CAMK1D: variants seen among roughly 807,000 people sequenced by gnomAD.
CAMK1D encodes calcium/calmodulin dependent protein kinase ID.
A neutral mutation model predicts 47.7 loss-of-function variants in CAMK1D; 9 were observed. That is an observed-to-expected ratio of 0.19 (90% confidence interval 0.11 to 0.33). CAMK1D has a LOEUF of 0.33. CAMK1D is among the 10% of genes least tolerant of loss of function. The pLI is 1.00. For missense variants in CAMK1D, 291 were observed against 488.7 expected (o/e 0.60, Z 3.81); for synonymous variants, 184 against 184.9 (o/e 0.99, Z 0.04).
intron 1 of CAMK1D, among the ~76,000 whole-genome samples, chr10:12,437,072 A>G (rs1157177486): frequency 6.6e-6 from 1 of 151,644 alleles, no homozygotes; most frequent in East Asian, 1.9e-4. Context: ...TGACGTGTGA[A>G]ATGGCATCTA....
intron 6 of CAMK1D, among the ~76,000 whole-genome samples, chr10:12,810,776 TAAG>T (rs1027134633): frequency 6.6e-6 from 1 of 152,190 alleles, no homozygotes; most frequent in Non-Finnish European, 1.5e-5. Flanking sequence ...GCAAAATAGT[TAAG>T]AACACAGGCC....
intron 1 of CAMK1D, among the ~76,000 whole-genome samples, chr10:12,467,038 C>T (rs1289847545): frequency 6.6e-6 from 1 of 152,162 alleles, no homozygotes; most frequent in Admixed American, 6.5e-5. Context: ...AATTTCACCT[C>T]TCTTGGCTGC....
chr10:12,428,725 G>A (rs953370683), intron 1 of CAMK1D, among the ~76,000 whole-genome samples: 4 of 152,118 alleles, frequency 2.6e-5, no homozygotes, highest in African/African-American at 9.7e-5. Context: ...GTGTCCCCAC[G>A]AAATTTCTCT....
intron 3 of CAMK1D, among the ~76,000 whole-genome samples, chr10:12,716,194 A>G (rs1002021829): frequency 6.6e-6 from 1 of 152,090 alleles, no homozygotes; most frequent in African/African-American, 2.4e-5. Flanking sequence ...CCCTTAGACC[A>G]GGGACTCTCA....
At chr10:12,553,148 C>A in intron 1 of CAMK1D, 77 bp from the exon 2 acceptor site, 1 of 1,598,794 alleles carries the variant, frequency 6.3e-7, no homozygotes, top group Non-Finnish European at 8.5e-7. Context: ...ACTCAAACTT[C>A]GGTGGTAGGG....
chr10:12,792,690 T>C (rs1838028281), intron 6 of CAMK1D, among the ~76,000 whole-genome samples: 1 of 152,230 alleles, frequency 6.6e-6, no homozygotes, highest in Admixed American at 6.5e-5. Context: ...TGGATTTAGG[T>C]AACAGTGCCT....
intron 1 of CAMK1D, among the ~76,000 whole-genome samples, chr10:12,531,961 C>T (rs1211799951): frequency 6.6e-6 from 1 of 152,182 alleles, no homozygotes; most frequent in Admixed American, 6.5e-5. Context: ...AGAGAATTCT[C>T]TCATAGTAAA....
At chr10:12,787,017 G>C (rs543265130) in intron 5 of CAMK1D, among the ~76,000 whole-genome samples, 1 of 152,322 alleles carries the variant, frequency 6.6e-6, no homozygotes, top group African/African-American at 2.4e-5. Context: ...CAGCTGCTGG[G>C]GAGACTGAGG....
chr10:12,360,349 T>C (rs890886713), intron 1 of CAMK1D, among the ~76,000 whole-genome samples: 1 of 152,076 alleles, frequency 6.6e-6, no homozygotes, highest in Non-Finnish European at 1.5e-5. Context: ...CAAAGTGTTG[T>C]GAAAAAGAAA....
chr10:12,592,735 C>T (rs2132366190), intron 2 of CAMK1D, among the ~76,000 whole-genome samples: 1 of 152,336 alleles, frequency 6.6e-6, no homozygotes, highest in Admixed American at 6.5e-5. Flanking sequence ...TCAATGCCAG[C>T]CTACTGCTAC....
Position 12,568,277 on chromosome 10 carries a change from C to G in CAMK1D, c.224+14921C>G, listed in dbSNP as rs866485791. Among the ~76,000 whole-genome samples, 54 of 38,684 alleles carry G rather than the reference C, an allele frequency of 1.4e-3. 1 individual carries two copies. The Middle Eastern group carries it at 0.047, about 33-fold the overall frequency. The allele number at this position is 38,684 out of a possible 152,430, so 25.4% of individuals were successfully genotyped here. A position where few individuals can be genotyped will look rare whatever the true frequency, so the allele number is the denominator to read the frequency against. On this transcript the variant is annotated intron_variant, in intron 2 of 10. Transcript: ENST00000619168. Reference sequence around the variant, plus strand: ...CCCTCCCCTACCCTTCTCCGTCCCCCCTTCCCGTCCCATCCCCCACCCCTC... The same window carrying G: ...CCCTCCCCTACCCTTCTCCGTCCCCGCTTCCCGTCCCATCCCCCACCCCTC...
At chr10:12,695,057 T>C (rs974619034) in intron 3 of CAMK1D, among the ~76,000 whole-genome samples, 1 of 128,118 alleles carries the variant, frequency 7.8e-6, no homozygotes, top group Non-Finnish European at 1.7e-5. Context: ...GATAGATAGA[T>C]AGATAGATAC....
intron 2 of CAMK1D, among the ~76,000 whole-genome samples, chr10:12,592,950 A>C (rs1382532900): frequency 5.3e-5 from 8 of 152,070 alleles, no homozygotes; most frequent in Admixed American, 1.3e-4. Context: ...ATACCTCTTA[A>C]ATGTCACTTT....
intron 3 of CAMK1D, among the ~76,000 whole-genome samples, chr10:12,682,665 T>C (rs973184674): frequency 2.6e-5 from 4 of 152,226 alleles, no homozygotes; most frequent in Non-Finnish European, 4.4e-5. Flanking sequence ...AACTTAGTAA[T>C]CATCAAATGC....
intron 1 of CAMK1D, among the ~76,000 whole-genome samples, chr10:12,369,015 C>T (rs189767330): frequency 1.3e-5 from 2 of 152,196 alleles, no homozygotes; most frequent in Admixed American, 1.3e-4. Context: ...TGGGTTTTCA[C>T]TATGTTGACC....
chr10:12,517,802 T>G (rs1835256048), intron 1 of CAMK1D, among the ~76,000 whole-genome samples: 1 of 152,188 alleles, frequency 6.6e-6, no homozygotes, highest in African/African-American at 2.4e-5. Context: ...TTTGTGTCTG[T>G]GCTCATGGAG....
At chr10:12,659,290 A>G (rs1840206390) in intron 2 of CAMK1D, among the ~76,000 whole-genome samples, 1 of 152,204 alleles carries the variant, frequency 6.6e-6, no homozygotes, top group South Asian at 2.1e-4. Flanking sequence ...AAGAAGTTTT[A>G]TCAGTTCTAT....
rs1385486838 is a variant in CAMK1D, at chr10:12,462,169, T to G, written c.93-91056T>G. On this transcript the variant is annotated intron_variant, in intron 1 of 10. Transcript: ENST00000619168. ...GGCCTATGAAGAGTTTTTTTTTTTT[T>G]TTTTTTTTTTTTTTAGGCAGAGTCT... Among the ~76,000 whole-genome samples the G allele has an allele frequency of 4.0e-4, 58 of 144,890 alleles. 1 individual carries two copies. The highest frequency in any genetic ancestry group is 1.5e-3 in the African/African-American group (57 of 37,188).
At chr10:12,351,889 C>G (rs11597650) in intron 1 of CAMK1D, among the ~76,000 whole-genome samples, 3,162 of 152,234 alleles carry the variant, frequency 0.021, 49 homozygotes, top group Middle Eastern at 0.061. Flanking sequence ...AGGAGCTTCC[C>G]ACTGTAGCAC....
Sources: allele counts gnomAD v4.1 joint callset (sites outside exome capture counted in the v4.1 genomes callset), GRCh38; gene constraint gnomAD v4.1.1; transcripts MANE v1.5; gene names NCBI Gene and HGNC (gene_info 2026-07-23, HGNC 2026-07-21).